The following FAM135A variants were observed in gnomAD, a reference collection of about 807,000 sequenced individuals.
FAM135A encodes the protein protein FAM135A.
A neutral mutation model predicts 146.8 loss-of-function variants in FAM135A; 79 were observed. That is an observed-to-expected ratio of 0.54 (90% CI 0.45 to 0.65). The LOEUF (loss-of-function observed/expected upper bound fraction) is 0.65. FAM135A is among the 30% of genes least tolerant of loss of function. The pLI is 0.00. For missense variants in FAM135A, 1,623 were observed against 1,758.2 expected, an observed-to-expected ratio of 0.92 and a Z score of 1.38; for synonymous variants, 562 against 603.6, an observed-to-expected ratio of 0.93 and a Z score of 1.01.
rs746280626 is a variant in FAM135A at position 70,560,680 on chromosome 6, G to A, written c.*759G>A. On this transcript the variant is annotated 3_prime_UTR_variant, in exon 22 of 22. Transcript: ENST00000418814. ...TTTGGTTGGAATTTTTGCTAAATTG[G>A]TAATGTTGCTTGAACTTTATGACTA... 6.6e-6 allele frequency: 1 copy of A among 152,464 alleles called. No homozygotes were observed. The highest frequency in any genetic ancestry group is 1.5e-5 in the Non-Finnish European group (1 of 67,954). The allele number at this position is 152,464 out of a possible 1,614,324, so 9.4% of individuals were successfully genotyped here. A position where few individuals can be genotyped will look rare whatever the true frequency, so the allele number is the denominator to read the frequency against.
chr6:70,446,083 A>G (rs748882497), intron 4 of FAM135A, among the ~76,000 whole-genome samples: 5 of 152,218 alleles, frequency 3.3e-5, no homozygotes, highest in Admixed American at 1.3e-4. Context: ...AGCTCCTTCA[A>G]GCACTCCAGT....
chr6:70,415,569 A>T (rs1352175818), intron 2 of FAM135A, among the ~76,000 whole-genome samples, 193 bp downstream of exon 2: 3 of 152,178 alleles, frequency 2.0e-5, no homozygotes, highest in African/African-American at 7.2e-5. Flanking sequence ...AAGATTTTTT[A>T]AAAATGATTT....
chr6:70,429,319 C>T (rs1238779022), intron 4 of FAM135A, among the ~76,000 whole-genome samples: 1 of 152,168 alleles, frequency 6.6e-6, no homozygotes, highest in East Asian at 1.9e-4. Context: ...TTGAGACCAA[C>T]CTGGCCAACA....
chr6:70,428,494 T>G, intron 4 of FAM135A, 75 bp downstream of exon 4: 1 of 978,524 alleles, frequency 1.0e-6, no homozygotes, highest in Non-Finnish European at 1.5e-6. Flanking sequence ...TTACATATTT[T>G]TATTCCAGCA....
chr6:70,467,612 A>G (rs1780713984), intron 5 of FAM135A, among the ~76,000 whole-genome samples: 1 of 151,296 alleles, frequency 6.6e-6, no homozygotes, highest in Non-Finnish European at 1.5e-5. Context: ...CTCTACTATG[A>G]TATTTCTTCA....
At chr6:70,558,354 T>A (rs1350550884) in intron 21 of FAM135A, among the ~76,000 whole-genome samples, 1 of 152,230 alleles carries the variant, frequency 6.6e-6, no homozygotes, top group Non-Finnish European at 1.5e-5. Context: ...GCTCACACGT[T>A]CCATGGACAC....
chr6:70,485,520 A>G (rs2128196042), intron 10 of FAM135A, among the ~76,000 whole-genome samples: 1 of 152,298 alleles, frequency 6.6e-6, no homozygotes. Context: ...TATTGACCAA[A>G]CACCACTATA....
chr6:70,448,314 GT>G (rs1159789251), intron 4 of FAM135A, among the ~76,000 whole-genome samples: 4 of 152,242 alleles, frequency 2.6e-5, no homozygotes, highest in African/African-American at 9.6e-5. Context: ...AACCTCTTCT[GT>G]TACTTCGTTG....
intron 19 of FAM135A, 142 bp downstream of exon 19, chr6:70,536,553 T>C (rs567408563): frequency 7.9e-5 from 51 of 642,642 alleles, no homozygotes; most frequent in Admixed American, 4.2e-5. Context: ...ATTTTCTGTT[T>C]TGTTATGCAC....
intron 10 of FAM135A, chr6:70,486,255 A>T (rs1252413663): frequency 6.2e-7 from 1 of 1,611,008 alleles, no homozygotes; most frequent in South Asian, 1.1e-5. Context: ...GTACGTTTAC[A>T]AATAGCTTAA....
chr6:70,471,680 G>A (rs1429759996), intron 5 of FAM135A, among the ~76,000 whole-genome samples: 1 of 152,118 alleles, frequency 6.6e-6, no homozygotes, highest in Non-Finnish European at 1.5e-5. Context: ...ACATTTGCCA[G>A]TGTAACAAAC....
At chr6:70,517,608 A>G (rs544887598) in intron 12 of FAM135A, among the ~76,000 whole-genome samples, 2 of 151,784 alleles carry the variant, frequency 1.3e-5, no homozygotes, top group Non-Finnish European at 1.5e-5. Flanking sequence ...TAGTAGAGAC[A>G]GGGTTTCACC....
At chr6:70,449,234 CCTA>C (rs1347592043) in intron 4 of FAM135A, among the ~76,000 whole-genome samples, 3 of 151,998 alleles carry the variant, frequency 2.0e-5, no homozygotes, top group South Asian at 2.1e-4. Context: ...TATCACCTCA[CCTA>C]CTTTTTTTTT....
chr6:70,492,412 T>A (rs1299560849), intron 11 of FAM135A, among the ~76,000 whole-genome samples: 1 of 151,764 alleles, frequency 6.6e-6, no homozygotes, highest in Non-Finnish European at 1.5e-5. Context: ...CAATCTGATC[T>A]TGGGATATGA....
At chr6:70,451,130 G>T (rs1344293605) in intron 4 of FAM135A, among the ~76,000 whole-genome samples, 1 of 152,006 alleles carries the variant, frequency 6.6e-6, no homozygotes, top group East Asian at 1.9e-4. Flanking sequence ...TTCTATTTCT[G>T]TGAAAAATGA....
At chr6:70,463,716 T>A (rs1192994096) in intron 5 of FAM135A, among the ~76,000 whole-genome samples, 1 of 152,220 alleles carries the variant, frequency 6.6e-6, no homozygotes, top group Non-Finnish European at 1.5e-5. Context: ...TTTCATATTA[T>A]GTCACTAATC....
chr6:70,490,694 A>T (rs150464606), intron 10 of FAM135A, among the ~76,000 whole-genome samples: 1 of 152,154 alleles, frequency 6.6e-6, no homozygotes, highest in African/African-American at 2.4e-5. Flanking sequence ...AAAATACTAA[A>T]CTGTACTGGA....
chr6:70,553,507 T>C (rs1800238542), intron 20 of FAM135A, among the ~76,000 whole-genome samples: 1 of 152,184 alleles, frequency 6.6e-6, no homozygotes, highest in East Asian at 1.9e-4. Flanking sequence ...GACCTTAATA[T>C]GTGGGAGCCA....
At chr6:70,452,470 T>G (rs1661401287) in intron 4 of FAM135A, 22 bp from the exon 5 acceptor site, 1 of 1,557,470 alleles carries the variant, frequency 6.4e-7, no homozygotes, top group Non-Finnish European at 8.7e-7. Context: ...TTGAAATAAC[T>G]TCCTTGTTTA....
Sources: allele counts gnomAD v4.1 joint callset (sites outside exome capture counted in the v4.1 genomes callset), GRCh38; gene constraint gnomAD v4.1.1; transcripts MANE v1.5; gene names NCBI Gene and HGNC (gene_info 2026-07-23, HGNC 2026-07-21).